Variants in PDE4D observed in about 807,000 individuals in gnomAD.
The protein encoded by PDE4D is phosphodiesterase 4D.
A neutral mutation model predicts 87.4 loss-of-function variants in PDE4D; 24 were observed. That is an observed-to-expected ratio of 0.27 (90% CI 0.20 to 0.39). The LOEUF (loss-of-function observed/expected upper bound fraction) is 0.39. Among genes scored for constraint, PDE4D ranks in the 10% least tolerant of loss-of-function variants. The pLI is 1.00. For synonymous variants in PDE4D, 384 were observed against 383.2 expected, an observed-to-expected ratio of 1.00 and a Z score of -0.02; for missense variants, 714 against 1,041.0, an observed-to-expected ratio of 0.69 and a Z score of 4.32.
intron 2 of PDE4D, among the ~76,000 whole-genome samples, chr5:60,079,749 AC>A (rs1773724691): frequency 6.6e-6 from 1 of 152,236 alleles, no homozygotes; most frequent in South Asian, 2.1e-4. Context: ...CTGTTTCAGT[AC>A]CAGCACCATG....
chr5:60,089,970 A>G (rs1178681214), intron 2 of PDE4D, among the ~76,000 whole-genome samples: 2 of 152,034 alleles, frequency 1.3e-5, no homozygotes, highest in African/African-American at 4.8e-5. Flanking sequence ...GATTGAACCC[A>G]TGAAAAAAGA....
chr5:60,373,983 T>C (rs1761237067), intron 1 of PDE4D, among the ~76,000 whole-genome samples: 1 of 152,254 alleles, frequency 6.6e-6, no homozygotes, highest in Non-Finnish European at 1.5e-5. Flanking sequence ...CATCTCATAT[T>C]CAGTTGATTG....
At chr5:60,284,599 G>A (rs978379780) in intron 1 of PDE4D, among the ~76,000 whole-genome samples, 10 of 152,252 alleles carry the variant, frequency 6.6e-5, no homozygotes, top group East Asian at 3.9e-4. Context: ...AAGAGGCCCC[G>A]ATGATATTTC....
intron 5 of PDE4D, among the ~76,000 whole-genome samples, chr5:59,049,777 AG>A (rs1326081462): frequency 2.0e-5 from 3 of 152,238 alleles, no homozygotes; most frequent in African/African-American, 7.2e-5. Context: ...AGTGAAGAAA[AG>A]AAAGCAATTA....
At chr5:59,803,098 C>T (rs1581179574) in intron 1 of PDE4D, among the ~76,000 whole-genome samples, 1 of 152,184 alleles carries the variant, frequency 6.6e-6, no homozygotes, top group East Asian at 1.9e-4. Context: ...AACGTAAATG[C>T]ATGAATGACC....
At chr5:59,958,962 G>A (rs1453665211) in intron 3 of PDE4D, among the ~76,000 whole-genome samples, 1 of 152,016 alleles carries the variant, frequency 6.6e-6, no homozygotes, top group Non-Finnish European at 1.5e-5. Flanking sequence ...CCACCAAAAG[G>A]CTCCTAGACC....
intron 1 of PDE4D, among the ~76,000 whole-genome samples, chr5:59,785,532 G>A (rs990734250): frequency 2.6e-5 from 4 of 152,128 alleles, no homozygotes; most frequent in Admixed American, 1.3e-4. Context: ...AGCCAAGAAT[G>A]GTGAGCTACT....
intron 1 of PDE4D, among the ~76,000 whole-genome samples, chr5:59,230,606 A>G (rs1754949215): frequency 6.6e-6 from 1 of 152,216 alleles, no homozygotes; most frequent in Non-Finnish European, 1.5e-5. Context: ...ACAAAAAAGT[A>G]ATAGTTCTAC....
At chr5:59,685,833 G>A (rs1293072489) in intron 1 of PDE4D, among the ~76,000 whole-genome samples, 2 of 151,806 alleles carry the variant, frequency 1.3e-5, no homozygotes, top group Non-Finnish European at 2.9e-5. Flanking sequence ...TTCTGACCAC[G>A]ATAAGCACAC....
chr5:59,292,815 G>A (rs1293274267), intron 1 of PDE4D, among the ~76,000 whole-genome samples: 1 of 152,080 alleles, frequency 6.6e-6, no homozygotes, highest in African/African-American at 2.4e-5. Context: ...GTAGTGCCTG[G>A]TATGGACCAC....
At chr5:59,001,756 G>A (rs997606577) in intron 6 of PDE4D, among the ~76,000 whole-genome samples, 3 of 152,248 alleles carry the variant, frequency 2.0e-5, no homozygotes, top group Non-Finnish European at 1.5e-5. Context: ...TGCTAGTCAC[G>A]ACAAACTTTT....
intron 1 of PDE4D, among the ~76,000 whole-genome samples, chr5:59,523,151 A>G (rs1812525172): frequency 6.6e-6 from 1 of 152,042 alleles, no homozygotes; most frequent in Non-Finnish European, 1.5e-5. Context: ...TTATACATAC[A>G]TTTTGCTCTC....
At chr5:59,294,459 G>C (rs149045699) in intron 1 of PDE4D, among the ~76,000 whole-genome samples, 21 of 152,232 alleles carry the variant, frequency 1.4e-4, no homozygotes, top group African/African-American at 4.6e-4. Flanking sequence ...TTGAAGCACT[G>C]AGGCTGACAC....
At chr5:59,322,632 C>T (rs1375675184) in intron 1 of PDE4D, among the ~76,000 whole-genome samples, 1 of 152,112 alleles carries the variant, frequency 6.6e-6, no homozygotes, top group Non-Finnish European at 1.5e-5. Context: ...TATTCACCAT[C>T]CTTTTCTTCC....
At chr5:60,306,573 G>A (rs1754518841) in intron 1 of PDE4D, among the ~76,000 whole-genome samples, 1 of 151,948 alleles carries the variant, frequency 6.6e-6, no homozygotes, top group Admixed American at 6.6e-5. Flanking sequence ...AAAAATCAAA[G>A]CAGAAAAACG....
intron 1 of PDE4D, among the ~76,000 whole-genome samples, chr5:59,662,494 T>C (rs7710349): frequency 0.071 from 10,838 of 152,164 alleles, 1,176 homozygotes; most frequent in African/African-American, 0.24. Flanking sequence ...CCCACACGTA[T>C]AATCTTATTA....
At chr5:59,003,089 G>A (rs1305520166) in intron 6 of PDE4D, among the ~76,000 whole-genome samples, 2 of 152,016 alleles carry the variant, frequency 1.3e-5, no homozygotes, top group Non-Finnish European at 2.9e-5. Context: ...CCATGTCTCA[G>A]GGCCAAAATG....
At chr5:60,368,013 G>A (rs1760702239) in intron 1 of PDE4D, among the ~76,000 whole-genome samples, 2 of 152,134 alleles carry the variant, frequency 1.3e-5, no homozygotes, top group Non-Finnish European at 2.9e-5. Context: ...TATGAAAGAA[G>A]CATTATGGAG....
At chr5:59,181,318 TAAAAA>T (rs769431115) in intron 4 of PDE4D, among the ~76,000 whole-genome samples, 2 of 141,170 alleles carry the variant, frequency 1.4e-5, no homozygotes, top group African/African-American at 2.6e-5. Context: ...CCCCTTGAAG[TAAAAA>T]AAAAAAGCAT....
Sources: gnomAD v4.1 joint callset for allele counts (sites outside exome capture counted in the v4.1 genomes callset) on GRCh38, gnomAD v4.1.1 for gene constraint, MANE v1.5 for transcripts, NCBI Gene and HGNC (gene_info 2026-07-23, HGNC 2026-07-21) for gene names.